The following MALRD1 variants were observed in gnomAD, a reference collection of about 807,000 sequenced individuals.
MALRD1 encodes MAM and LDL receptor class A domain containing 1.
A neutral mutation model predicts 242.1 loss-of-function variants in MALRD1; 247 were observed. That is an observed-to-expected ratio of 1.02 (90% CI 0.92 to 1.13). The LOEUF (loss-of-function observed/expected upper bound fraction) is 1.13, where lower values mean the gene tolerates loss of function less well. Among genes scored for constraint, MALRD1 ranks in the 50% most tolerant of loss-of-function variants. The pLI is 0.00. For missense variants in MALRD1, 2,989 were observed against 2,533.1 expected, an observed-to-expected ratio of 1.18 and a Z score of -3.86; for synonymous variants, 995 against 866.6, an observed-to-expected ratio of 1.15 and a Z score of -2.60.
At chr10:19,463,379 AAT>A (rs1168458785) in intron 29 of MALRD1, among the ~76,000 whole-genome samples, 8 of 50,440 alleles carry the variant, frequency 1.6e-4, no homozygotes, top group Admixed American at 2.4e-4. Flanking sequence ...CTTATGATAC[AAT>A]GCATCCTCTG....
chr10:19,198,883 T>G (rs1030410446), intron 14 of MALRD1, among the ~76,000 whole-genome samples: 7 of 152,240 alleles, frequency 4.6e-5, no homozygotes, highest in Non-Finnish European at 7.3e-5. Context: ...TTTAAATAAT[T>G]AATGACTATT....
At chr10:19,340,225 A>G (rs1843784478) in intron 24 of MALRD1, among the ~76,000 whole-genome samples, 1 of 152,160 alleles carries the variant, frequency 6.6e-6, no homozygotes, top group African/African-American at 2.4e-5. Flanking sequence ...CACATCACAG[A>G]GAATGGGATA....
intron 36 of MALRD1, among the ~76,000 whole-genome samples, chr10:19,619,022 C>G (rs1475560330): frequency 6.6e-6 from 1 of 151,900 alleles, no homozygotes; most frequent in East Asian, 2.0e-4. Context: ...GCAGACCAGA[C>G]TCCGCATTCT....
intron 38 of MALRD1, among the ~76,000 whole-genome samples, chr10:19,719,652 G>A (rs894402270): frequency 2.0e-5 from 3 of 152,140 alleles, no homozygotes; most frequent in East Asian, 1.9e-4. Flanking sequence ...TTTCCTCTGC[G>A]TTTTGTGGCA....
At chr10:19,050,542 A>G (rs1834462597) in intron 1 of MALRD1, among the ~76,000 whole-genome samples, 1 of 152,196 alleles carries the variant, frequency 6.6e-6, no homozygotes, top group Non-Finnish European at 1.5e-5. Flanking sequence ...GTGATTACTG[A>G]AGAACTTTTT....
At chr10:19,429,351 C>G (rs531886635) in intron 28 of MALRD1, among the ~76,000 whole-genome samples, 1 of 152,024 alleles carries the variant, frequency 6.6e-6, no homozygotes, top group Non-Finnish European at 1.5e-5. Flanking sequence ...AGGTGGATTG[C>G]CTGAGGTCAG....
intron 36 of MALRD1, among the ~76,000 whole-genome samples, chr10:19,646,349 A>G (rs1264216001): frequency 1.3e-5 from 2 of 152,238 alleles, no homozygotes; most frequent in African/African-American, 4.8e-5. Context: ...CATGCCTATA[A>G]TGGCAGCACT....
At chr10:19,601,269 C>A (rs1838328925) in intron 34 of MALRD1, among the ~76,000 whole-genome samples, 1 of 151,864 alleles carries the variant, frequency 6.6e-6, no homozygotes, top group African/African-American at 2.4e-5. Flanking sequence ...ATTTTGAAAC[C>A]TAAGTTTTCC....
At chr10:19,640,096 A>G (rs1240880802) in intron 36 of MALRD1, among the ~76,000 whole-genome samples, 1 of 151,618 alleles carries the variant, frequency 6.6e-6, no homozygotes, top group Non-Finnish European at 1.5e-5. Flanking sequence ...TTTTAATTTT[A>G]TTTTTTTCTT....
At position 19,203,713 on chromosome 10, in the gene MALRD1, AT is replaced by A; in HGVS notation, c.1952-10del. 2 of 1,515,112 alleles carry A rather than the reference AT, an allele frequency of 1.3e-6. No homozygotes were observed. Among genetic ancestry groups the A allele is most frequent in the Non-Finnish European group, 1.8e-6 (2 of 1,126,612 alleles). The allele number at this position is 1,515,112 out of a possible 1,614,324, so 93.9% of individuals were successfully genotyped here. A position where few individuals can be genotyped will look rare whatever the true frequency, so the allele number is the denominator to read the frequency against. On this transcript the variant is annotated splice_polypyrimidine_tract_variant and intron_variant, in intron 14 of 39. Coordinates refer to ENST00000454679, the MANE Select transcript of MALRD1 (RefSeq NM_001142308.3). ...TTTGGAGAGCCAACATAAGAGCCAC[AT>A]TTTTGTTCTTCAGTTTCCAAGTGTG...
intron 28 of MALRD1, among the ~76,000 whole-genome samples, chr10:19,410,316 T>C (rs544894895): frequency 6.6e-6 from 1 of 151,962 alleles, no homozygotes; most frequent in South Asian, 2.1e-4. Context: ...AAGTTTAGTA[T>C]AGATTTTTTA....
intron 1 of MALRD1, among the ~76,000 whole-genome samples, chr10:19,060,286 T>C (rs1264800355): frequency 6.6e-6 from 1 of 152,232 alleles, no homozygotes; most frequent in Non-Finnish European, 1.5e-5. Flanking sequence ...GTGGTTCCTC[T>C]GTGCCGGTGT....
intron 32 of MALRD1, among the ~76,000 whole-genome samples, chr10:19,562,697 G>T (rs1174648256): frequency 2.0e-5 from 3 of 152,114 alleles, no homozygotes; most frequent in Non-Finnish European, 4.4e-5. Flanking sequence ...TTAGGAACCA[G>T]TTTGCACAGC....
chr10:19,689,503 T>A lies in MALRD1; in HGVS notation c.6138-2779T>A, dbSNP rs571645232. ...TAGAAAAATGCACTCCCTTTTGGAT[T>A]TGAGGCAAATGATGGATAAAGTAAA... On this transcript the variant is annotated intron_variant, in intron 36 of 39. Coordinates refer to ENST00000454679, the MANE Select transcript of MALRD1 (RefSeq NM_001142308.3). 3.9e-5 allele frequency among the ~76,000 whole-genome samples: 6 copies of A among 152,274 alleles called. No homozygotes were observed. The East Asian group carries it at 1.2e-3, about 29-fold the overall frequency.
At chr10:19,053,771 T>C (rs1834579364) in intron 1 of MALRD1, among the ~76,000 whole-genome samples, 1 of 150,158 alleles carries the variant, frequency 6.7e-6, no homozygotes, top group Non-Finnish European at 1.5e-5. Flanking sequence ...CTTTTTATTG[T>C]CAGACCATTG....
At chr10:19,170,277 A>G (rs758921597) in intron 13 of MALRD1, among the ~76,000 whole-genome samples, 2 of 152,122 alleles carry the variant, frequency 1.3e-5, no homozygotes, top group Non-Finnish European at 2.9e-5. Context: ...TTTCACACTA[A>G]TAGATTCTTT....
At chr10:19,122,503 T>C (rs1837097962) in intron 5 of MALRD1, among the ~76,000 whole-genome samples, 1 of 152,026 alleles carries the variant, frequency 6.6e-6, no homozygotes, top group South Asian at 2.1e-4. Flanking sequence ...GCTAGAATGT[T>C]CAGGTGTTGA....
intron 21 of MALRD1, among the ~76,000 whole-genome samples, chr10:19,321,488 A>G (rs535367000): frequency 1.3e-5 from 2 of 152,248 alleles, no homozygotes; most frequent in South Asian, 2.1e-4. Context: ...TTTCAAAACT[A>G]TGTTTTAATT....
chr10:19,173,678 C>T (rs562657737), intron 13 of MALRD1, among the ~76,000 whole-genome samples: 1 of 152,206 alleles, frequency 6.6e-6, no homozygotes, highest in South Asian at 2.1e-4. Flanking sequence ...GTTTTTGCTG[C>T]GATTGCTGCC....
Sources: gnomAD v4.1 joint callset for allele counts (sites outside exome capture counted in the v4.1 genomes callset) on GRCh38, gnomAD v4.1.1 for gene constraint, MANE v1.5 for transcripts, NCBI Gene and HGNC (gene_info 2026-07-23, HGNC 2026-07-21) for gene names.